The following CLSTN2 variants were observed in gnomAD, a reference collection of about 807,000 sequenced individuals.
CLSTN2 encodes the protein calsyntenin-2.
CLSTN2 carries 48 observed loss-of-function variants against 101.2 expected under a neutral mutation model. That is an observed-to-expected ratio of 0.47 (90% CI 0.38 to 0.60). The LOEUF (loss-of-function observed/expected upper bound fraction) is 0.60. CLSTN2 is among the 20% of genes least tolerant of loss of function. CLSTN2 has a pLI of 0.00. For synonymous variants in CLSTN2, 481 were observed against 463.6 expected (o/e 1.04, Z -0.48); for missense variants, 1,160 against 1,238.2 (o/e 0.94, Z 0.95).
At chr3:140,469,257 A>G (rs1933779577) in intron 8 of CLSTN2, among the ~76,000 whole-genome samples, 1 of 152,216 alleles carries the variant, frequency 6.6e-6, no homozygotes, top group African/African-American at 2.4e-5. Flanking sequence ...TACTAAAGAA[A>G]TTAACATTTA....
Position 140,057,330 on chromosome 3 carries a change from C to A in CLSTN2, c.110-118621C>A, listed in dbSNP as rs548137744. 3.3e-5 allele frequency among the ~76,000 whole-genome samples: 5 copies of A among 152,340 alleles called. No individual in the cohort carries two copies. In the East Asian group the frequency reaches 9.6e-4, roughly 29 times the overall value. ...AGAAGCTGTACACATGCAGAAGACA[C>A]TTTTGGGAGCCTTTGCAATAGCAGA... On this transcript the variant is annotated intron_variant, in intron 1 of 16. Transcript: ENST00000458420.
intron 2 of CLSTN2, among the ~76,000 whole-genome samples, chr3:140,384,604 A>T (rs1044720795): frequency 6.6e-6 from 1 of 152,158 alleles, no homozygotes; most frequent in African/African-American, 2.4e-5. Flanking sequence ...ACTCACTCGG[A>T]TGAGAATGAA....
intron 2 of CLSTN2, among the ~76,000 whole-genome samples, chr3:140,376,568 G>A (rs2087919262): frequency 6.6e-6 from 1 of 152,160 alleles, no homozygotes; most frequent in Admixed American, 6.5e-5. Flanking sequence ...CTTCTGATAG[G>A]TAAACTCTAC....
At chr3:140,560,559 T>C (rs1371260701) in intron 12 of CLSTN2, among the ~76,000 whole-genome samples, 3 of 127,466 alleles carry the variant, frequency 2.4e-5, no homozygotes, top group African/African-American at 9.2e-5. Flanking sequence ...TTGGTGGTGA[T>C]TTCCTGTTTA....
At chr3:140,463,381 A>C (rs979226167) in intron 7 of CLSTN2, among the ~76,000 whole-genome samples, 1 of 152,138 alleles carries the variant, frequency 6.6e-6, no homozygotes, top group African/African-American at 2.4e-5. Flanking sequence ...AGAGAGATGG[A>C]GATGTCAGCC....
chr3:140,181,793 T>C (rs969684939), intron 2 of CLSTN2, among the ~76,000 whole-genome samples: 2 of 152,174 alleles, frequency 1.3e-5, no homozygotes, highest in African/African-American at 2.4e-5. Context: ...GTTTTGCAAA[T>C]GAAGACATTG....
At chr3:140,150,001 T>C (rs1044631402) in intron 1 of CLSTN2, among the ~76,000 whole-genome samples, 1 of 152,258 alleles carries the variant, frequency 6.6e-6, no homozygotes, top group East Asian at 1.9e-4. Flanking sequence ...TTGCTCATGA[T>C]TTTTCGGACA....
intron 5 of CLSTN2, among the ~76,000 whole-genome samples, chr3:140,445,831 A>G (rs1002382169): frequency 6.6e-6 from 1 of 152,144 alleles, no homozygotes; most frequent in African/African-American, 2.4e-5. Flanking sequence ...AGTTTCTACC[A>G]CTAGTGAGCA....
chr3:140,221,039 A>G (rs1344453765), intron 2 of CLSTN2, among the ~76,000 whole-genome samples: 1 of 152,256 alleles, frequency 6.6e-6, no homozygotes, highest in Non-Finnish European at 1.5e-5. Context: ...AGGCAGAAAC[A>G]TTCTGCTGCT....
intron 1 of CLSTN2, among the ~76,000 whole-genome samples, chr3:140,113,445 G>A (rs888668711): frequency 6.6e-6 from 1 of 152,170 alleles, no homozygotes; most frequent in Non-Finnish European, 1.5e-5. Context: ...CTCAACCCGG[G>A]GTTCTCACAG....
chr3:140,166,295 A>C (rs2010133906), intron 1 of CLSTN2, among the ~76,000 whole-genome samples: 1 of 151,976 alleles, frequency 6.6e-6, no homozygotes, highest in South Asian at 2.1e-4. Flanking sequence ...ATCTTGGCCT[A>C]AGCAGTTCTA....
chr3:140,416,568 C>T (rs994437644), intron 4 of CLSTN2, among the ~76,000 whole-genome samples: 49 of 152,170 alleles, frequency 3.2e-4, no homozygotes, highest in African/African-American at 1.1e-3. Flanking sequence ...TTGGTGGACC[C>T]CACACTTGCA....
chr3:140,230,393 T>C (rs966841975), intron 2 of CLSTN2, among the ~76,000 whole-genome samples: 2 of 152,248 alleles, frequency 1.3e-5, no homozygotes, highest in African/African-American at 4.8e-5. Flanking sequence ...TGAAGCAAGC[T>C]TCAAATAGTA....
At chr3:140,093,871 T>C (rs1238895894) in intron 1 of CLSTN2, among the ~76,000 whole-genome samples, 1 of 152,230 alleles carries the variant, frequency 6.6e-6, no homozygotes, top group Non-Finnish European at 1.5e-5. Context: ...AATGAGTTTA[T>C]TCAAAGTCTA....
At chr3:139,953,989 T>C (rs1479598162) in intron 1 of CLSTN2, among the ~76,000 whole-genome samples, 2 of 151,398 alleles carry the variant, frequency 1.3e-5, no homozygotes, top group African/African-American at 4.9e-5. Flanking sequence ...AACTTTTATT[T>C]TGGGTTCAGG....
At chr3:140,052,057 C>T (rs1249118002) in intron 1 of CLSTN2, among the ~76,000 whole-genome samples, 2 of 152,192 alleles carry the variant, frequency 1.3e-5, no homozygotes, top group African/African-American at 2.4e-5. Flanking sequence ...ATCAATTGGT[C>T]CAGAGTGGAT....
intron 1 of CLSTN2, among the ~76,000 whole-genome samples, chr3:140,039,700 G>A (rs1353219362): frequency 6.6e-6 from 1 of 152,124 alleles, no homozygotes; most frequent in Admixed American, 6.6e-5. Flanking sequence ...AAAACAACTC[G>A]AAGGCTAGGA....
chr3:139,981,280 T>G (rs2107823744), intron 1 of CLSTN2, among the ~76,000 whole-genome samples: 1 of 152,376 alleles, frequency 6.6e-6, no homozygotes, highest in South Asian at 2.1e-4. Flanking sequence ...AAAATCCTTT[T>G]GAGCATCTGC....
At chr3:140,564,166 G>C (rs147240613) in intron 16 of CLSTN2, 21 bp downstream of exon 16, 119 of 1,610,250 alleles carry the variant, frequency 7.4e-5, no homozygotes, top group Non-Finnish European at 9.5e-5. Flanking sequence ...TGCACGGCTG[G>C]GAGTTCTGGG....
Sources: gnomAD v4.1 joint callset for allele counts (sites outside exome capture counted in the v4.1 genomes callset) on GRCh38, gnomAD v4.1.1 for gene constraint, MANE v1.5 for transcripts, NCBI Gene and HGNC (gene_info 2026-07-23, HGNC 2026-07-21) for gene names.